Variants in FRMD3 observed in about 807,000 individuals in gnomAD.
The protein encoded by FRMD3 is FERM domain-containing protein 3.
A neutral mutation model predicts 70.2 loss-of-function variants in FRMD3; 33 were observed. The observed-to-expected ratio is 0.47, with a 90% confidence interval of 0.36 to 0.63. The LOEUF (loss-of-function observed/expected upper bound fraction) is 0.63. Ranked by LOEUF, FRMD3 falls within the 20% of genes least tolerant of loss-of-function variation. FRMD3 has a pLI of 0.00. For missense variants in FRMD3, 632 were observed against 711.4 expected (o/e 0.89, Z 1.27); for synonymous variants, 279 against 255.9 (o/e 1.09, Z -0.86).
At chr9:83,551,975 C>T in the FRMD3 span, among the ~76,000 whole-genome samples, 3 of 150,326 alleles carry the variant, frequency 2.0e-5, no homozygotes, top group African/African-American at 7.3e-5. Context: ...TTTCCTTCAG[C>T]TAAGCTCTGA....
chr9:83,492,882 C>G (rs2131499962), intron 1 of FRMD3, among the ~76,000 whole-genome samples: 1 of 152,306 alleles, frequency 6.6e-6, no homozygotes, highest in East Asian at 1.9e-4. Flanking sequence ...TCATAGCTCT[C>G]CCCTCTTCAC....
chr9:83,461,555 T>C (rs1283248044), intron 1 of FRMD3, among the ~76,000 whole-genome samples: 1 of 151,858 alleles, frequency 6.6e-6, no homozygotes, highest in Admixed American at 6.6e-5. Flanking sequence ...GAACTGGGTT[T>C]GTGGGGTGGG....
chr9:83,321,335 T>C (rs904258859), intron 6 of FRMD3, among the ~76,000 whole-genome samples: 1 of 152,194 alleles, frequency 6.6e-6, no homozygotes, highest in African/African-American at 2.4e-5. Context: ...ATTTCCCTCT[T>C]AGCAATGCTT....
chr9:83,293,927 C>T (rs1332672353), intron 12 of FRMD3, among the ~76,000 whole-genome samples: 1 of 152,202 alleles, frequency 6.6e-6, no homozygotes, highest in African/African-American at 2.4e-5. Flanking sequence ...TTCCCTGAAG[C>T]ACAAAGAATC....
chr9:83,459,031 G>C (rs1206712941), intron 1 of FRMD3, among the ~76,000 whole-genome samples: 2 of 152,048 alleles, frequency 1.3e-5, no homozygotes, highest in East Asian at 3.9e-4. Flanking sequence ...TTCATTAATT[G>C]GACCCACCCA....
Position 83,364,126 on chromosome 9 carries a change from G to A in FRMD3, c.295+8787C>T, listed in dbSNP as rs565617240. Among the ~76,000 whole-genome samples, 4 of 152,112 alleles carry A rather than the reference G, an allele frequency of 2.6e-5. No individual in the cohort carries two copies. In the East Asian group the frequency reaches 5.8e-4, roughly 22 times the overall value. ...CTTTTGCATATTTTTATATTGAGCC[G>A]TTCATCTGTTGGTTTGTAGCATCAA... On this transcript the variant is annotated intron_variant, in intron 3 of 13. Coordinates refer to ENST00000304195, the MANE Select transcript of FRMD3 (RefSeq NM_174938.6).
intron 11 of FRMD3, 53 bp downstream of exon 11, chr9:83,299,059 T>C (rs1231940912): frequency 1.8e-5 from 24 of 1,342,892 alleles, no homozygotes; most frequent in Non-Finnish European, 2.5e-5. Context: ...TTTTGAAATT[T>C]AAGTGGCTGC....
At chr9:83,411,936 G>T (rs1159110049) in intron 1 of FRMD3, among the ~76,000 whole-genome samples, 1 of 152,170 alleles carries the variant, frequency 6.6e-6, no homozygotes, top group Non-Finnish European at 1.5e-5. Flanking sequence ...ACTTTTATCA[G>T]ATAATTCTCA....
Position 83,244,733 on chromosome 9 carries a change from T to G in FRMD3, c.*3185A>C, listed in dbSNP as rs1048228. On this transcript the variant is annotated 3_prime_UTR_variant, in exon 14 of 14. Transcript: ENST00000304195. ...TCACTATACAAAGGTAAGGCTCCAATCACAGTAACATGGCCCCCATATCTC... is the reference window on the plus strand; with the variant it reads ...TCACTATACAAAGGTAAGGCTCCAAGCACAGTAACATGGCCCCCATATCTC... 152,640 of 984,550 alleles carry G rather than the reference T, an allele frequency of 0.16. 12,968 individuals carry two copies. The highest frequency in any genetic ancestry group is 0.58 in the East Asian group (5,120 of 8,796). 61.0% of individuals were successfully genotyped at this position (984,550 alleles called of 1,614,324 possible). A position where few individuals can be genotyped will look rare whatever the true frequency, so the allele number is the denominator to read the frequency against.
intron 12 of FRMD3, among the ~76,000 whole-genome samples, chr9:83,293,799 T>C (rs763773940): frequency 6.6e-6 from 1 of 152,190 alleles, no homozygotes; most frequent in Non-Finnish European, 1.5e-5. Context: ...TTAGACCAGG[T>C]GACTCCTGCA....
intron 1 of FRMD3, among the ~76,000 whole-genome samples, chr9:83,533,433 G>C (rs1829829072): frequency 6.6e-6 from 1 of 152,120 alleles, no homozygotes; most frequent in East Asian, 1.9e-4. Flanking sequence ...TTAAACTGTA[G>C]CATCCATCTA....
At chr9:83,301,243 C>T (rs1834914409) in intron 10 of FRMD3, among the ~76,000 whole-genome samples, 1 of 152,186 alleles carries the variant, frequency 6.6e-6, no homozygotes, top group African/African-American at 2.4e-5. Flanking sequence ...ATGGTCCCAG[C>T]TGTGCCCTCC....
chr9:83,279,173 C>G (rs543213271), intron 13 of FRMD3: 25 of 152,232 alleles, frequency 1.6e-4, no homozygotes, highest in Non-Finnish European at 3.5e-4. Context: ...CCCATTATCA[C>G]ATTTCTAATG....
chr9:83,296,838 C>T (rs1367122357), intron 12 of FRMD3, among the ~76,000 whole-genome samples: 1 of 152,164 alleles, frequency 6.6e-6, no homozygotes. Context: ...CACCCTTCCA[C>T]CACCTGTTAC....
chr9:83,549,314 A>G, the FRMD3 span, among the ~76,000 whole-genome samples: 1 of 152,116 alleles, frequency 6.6e-6, no homozygotes, highest in Non-Finnish European at 1.5e-5. Flanking sequence ...ATAATATTCC[A>G]TGGTGTGTAT....
chr9:83,536,885 C>T (rs1396288144), intron 1 of FRMD3, among the ~76,000 whole-genome samples: 2 of 146,632 alleles, frequency 1.4e-5, no homozygotes, highest in African/African-American at 5.1e-5. Flanking sequence ...GAGATGCTGC[C>T]CCACTCACCT....
chr9:83,578,132 TA>T, the FRMD3 span, among the ~76,000 whole-genome samples: 9 of 146,536 alleles, frequency 6.1e-5, no homozygotes, highest in South Asian at 2.1e-4. Flanking sequence ...TATGAAGAAA[TA>T]AAAAAAAAAT....
chr9:83,353,126 A>T (rs919483337), intron 3 of FRMD3, among the ~76,000 whole-genome samples: 1 of 152,026 alleles, frequency 6.6e-6, no homozygotes, highest in Non-Finnish European at 1.5e-5. Context: ...TCTAGCCAAC[A>T]TCATTGACCC....
At chr9:83,559,705 T>C in the FRMD3 span, among the ~76,000 whole-genome samples, 2 of 152,228 alleles carry the variant, frequency 1.3e-5, no homozygotes, top group East Asian at 1.9e-4. Flanking sequence ...ATTTCAAGTA[T>C]AAATCTTGAT....
Sources: allele counts gnomAD v4.1 joint callset (sites outside exome capture counted in the v4.1 genomes callset), GRCh38; gene constraint gnomAD v4.1.1; transcripts MANE v1.5; gene names NCBI Gene and HGNC (gene_info 2026-07-23, HGNC 2026-07-21).